Variants in CCDC171 observed in about 807,000 individuals in gnomAD.
The protein encoded by CCDC171 is coiled-coil domain containing 171.
A neutral mutation model predicts 168.2 loss-of-function variants in CCDC171; 177 were observed. The ratio of observed to expected loss-of-function variants is 1.05; its 90% confidence interval spans 0.93 to 1.19. The LOEUF (loss-of-function observed/expected upper bound fraction) is 1.19. Among genes scored for constraint, CCDC171 ranks in the 50% most tolerant of loss-of-function variants. The pLI is 0.00. For synonymous variants in CCDC171, 687 were observed against 540.8 expected (o/e 1.27, Z -3.75); for missense variants, 1,991 against 1,539.0 (o/e 1.29, Z -4.91).
chr9:15,705,960 C>T (rs2052186479), intron 11 of CCDC171, among the ~76,000 whole-genome samples: 1 of 152,132 alleles, frequency 6.6e-6, no homozygotes, highest in Non-Finnish European at 1.5e-5. Flanking sequence ...TAAATTACAG[C>T]AGCTCTTTGG....
chr9:15,804,344 T>C (rs1054308748), intron 21 of CCDC171, among the ~76,000 whole-genome samples: 2 of 152,184 alleles, frequency 1.3e-5, no homozygotes, highest in Non-Finnish European at 2.9e-5. Flanking sequence ...CTTTTGCTCA[T>C]ACTGTATGAT....
chr9:15,855,727 C>T (rs541571816), intron 23 of CCDC171, among the ~76,000 whole-genome samples: 3 of 151,480 alleles, frequency 2.0e-5, no homozygotes, highest in Admixed American at 6.6e-5. Flanking sequence ...TTAGTGTTAC[C>T]CTTGGTGATT....
At chr9:15,995,658 G>A (rs1387871928) in intron 3 of CCDC171, among the ~76,000 whole-genome samples, 1 of 152,214 alleles carries the variant, frequency 6.6e-6, no homozygotes, top group African/African-American at 2.4e-5. Flanking sequence ...ATTTTAATCA[G>A]TGATGACCTT....
In CCDC171 at chr9:15,648,233, T is replaced by C. The variant is rs376833503; in HGVS notation, c.823-8894T>C. On this transcript the variant is annotated intron_variant, in intron 7 of 25. Transcript: ENST00000380701. ...TAAAAACTCTCAATAAATTAGGTATTGATGGGACGTATCTCAAAATAATAA... is the reference window on the plus strand; with the variant it reads ...TAAAAACTCTCAATAAATTAGGTATCGATGGGACGTATCTCAAAATAATAA... Among the ~76,000 whole-genome samples the C allele has an allele frequency of 6.6e-5, 10 of 152,160 alleles. No individual in the cohort carries two copies. In the South Asian group the frequency reaches 1.7e-3, roughly 25 times the overall value.
rs370112882 is a variant in CCDC171 at position 15,799,803 on chromosome 9, T to G, written c.3267+15109T>G. On this transcript the variant is annotated intron_variant, in intron 21 of 25. Coordinates refer to ENST00000380701, the MANE Select transcript of CCDC171 (RefSeq NM_173550.4). ...TCTTCTCTGCCTCTGGTAACCATCC[T>G]TCTACTGTCTATCTCCATGAGTTCA... Among the ~76,000 whole-genome samples, 24 of 152,226 alleles carry G rather than the reference T, an allele frequency of 1.6e-4. No homozygotes were observed. In the East Asian group the frequency reaches 3.3e-3, roughly 21 times the overall value.
intron 25 of CCDC171, among the ~76,000 whole-genome samples, chr9:15,932,083 G>A (rs1203175845): frequency 6.6e-6 from 1 of 151,870 alleles, no homozygotes; most frequent in Non-Finnish European, 1.5e-5. Context: ...TGGCTATTCA[G>A]GGTTTTTGTG....
At chr9:15,618,342 C>T (rs528547170) in intron 6 of CCDC171, among the ~76,000 whole-genome samples, 65 of 152,280 alleles carry the variant, frequency 4.3e-4, no homozygotes, top group African/African-American at 1.5e-3. Context: ...CCTACGAAAG[C>T]CTCAGTAATG....
At chr9:15,712,694 C>T (rs777676604) in intron 11 of CCDC171, among the ~76,000 whole-genome samples, 1 of 152,140 alleles carries the variant, frequency 6.6e-6, no homozygotes, top group Non-Finnish European at 1.5e-5. Flanking sequence ...GATCAACCTG[C>T]CACCAAGTTG....
intron 16 of CCDC171, among the ~76,000 whole-genome samples, chr9:15,735,194 A>G (rs1444090609): frequency 6.6e-6 from 1 of 152,216 alleles, no homozygotes; most frequent in Non-Finnish European, 1.5e-5. Context: ...CTATCACAGC[A>G]TGTCTTTAGC....
chr9:15,623,477 A>ACGCGCGCGCGCGCG, intron 7 of CCDC171, 64 bp downstream of exon 7: 2 of 319,968 alleles, frequency 6.3e-6, no homozygotes, highest in Non-Finnish European at 1.0e-5. Context: ...GCGCGCGCGC[A>ACGCGCGCGCGCGCG]CACACACACA....
At chr9:15,812,832 T>G (rs187582142) in intron 21 of CCDC171, among the ~76,000 whole-genome samples, 18 of 152,324 alleles carry the variant, frequency 1.2e-4, no homozygotes, top group Admixed American at 1.1e-3. Flanking sequence ...TTGCTGTGCG[T>G]TCCCTGTCCC....
chr9:16,099,008 C>A, the CCDC171 span, among the ~76,000 whole-genome samples: 1 of 152,136 alleles, frequency 6.6e-6, no homozygotes, highest in Non-Finnish European at 1.5e-5. Flanking sequence ...TTTGGGAAAG[C>A]TTTCATTTGG....
At chr9:15,577,126 C>T (rs16933375) in intron 3 of CCDC171, among the ~76,000 whole-genome samples, 1 of 152,190 alleles carries the variant, frequency 6.6e-6, no homozygotes, top group Non-Finnish European at 1.5e-5. Context: ...TGAAACTCTT[C>T]ATTGAACTTG....
intron 18 of CCDC171, among the ~76,000 whole-genome samples, chr9:15,756,808 C>A (rs2056149329): frequency 6.6e-6 from 1 of 152,194 alleles, no homozygotes; most frequent in Non-Finnish European, 1.5e-5. Context: ...ATACTGTTCT[C>A]ATGGCAGTGA....
intron 11 of CCDC171, among the ~76,000 whole-genome samples, chr9:15,695,633 A>G (rs1313753173): frequency 6.6e-6 from 1 of 152,202 alleles, no homozygotes; most frequent in Non-Finnish European, 1.5e-5. Context: ...AAGTCCTTAC[A>G]GTATACCTGC....
intron 3 of CCDC171, among the ~76,000 whole-genome samples, chr9:15,992,871 G>A (rs966176020): frequency 3.9e-5 from 6 of 152,002 alleles, no homozygotes; most frequent in African/African-American, 1.5e-4. Flanking sequence ...AAAATACCTA[G>A]GAATCCAACT....
chr9:15,786,570 A>G (rs1366221024), intron 21 of CCDC171, among the ~76,000 whole-genome samples: 3 of 152,134 alleles, frequency 2.0e-5, no homozygotes, highest in African/African-American at 7.2e-5. Context: ...TTCTATGCTA[A>G]TAAGTATAGT....
chr9:15,937,656 T>C (rs920655255), intron 25 of CCDC171, among the ~76,000 whole-genome samples: 7 of 152,134 alleles, frequency 4.6e-5, no homozygotes, highest in South Asian at 2.1e-4. Context: ...TAAAGAGTCA[T>C]AATTCTCATT....
At chr9:15,756,178 C>T (rs893405016) in intron 18 of CCDC171, among the ~76,000 whole-genome samples, 5 of 151,994 alleles carry the variant, frequency 3.3e-5, no homozygotes, top group Non-Finnish European at 7.4e-5. Flanking sequence ...TCAACAAACT[C>T]AACATAGAGA....
Sources: allele counts gnomAD v4.1 joint callset (sites outside exome capture counted in the v4.1 genomes callset), GRCh38; gene constraint gnomAD v4.1.1; transcripts MANE v1.5; gene names NCBI Gene and HGNC (gene_info 2026-07-23, HGNC 2026-07-21).